Variants in ANKRD55 observed in about 807,000 individuals in gnomAD.
ANKRD55 encodes the protein ankyrin repeat domain 55, also known as ankyrin repeat domain-containing protein 55.
ANKRD55 carries 41 observed loss-of-function variants against 60.6 expected under a neutral mutation model. The ratio of observed to expected loss-of-function variants is 0.68; its 90% confidence interval spans 0.53 to 0.88. The LOEUF (loss-of-function observed/expected upper bound fraction) is 0.88, where lower values mean the gene tolerates loss of function less well. Ranked by LOEUF, ANKRD55 falls within the 40% of genes least tolerant of loss-of-function variation. ANKRD55 has a pLI of 0.00. For missense variants in ANKRD55, 732 were observed against 767.6 expected, an observed-to-expected ratio of 0.95 and a Z score of 0.55; for synonymous variants, 264 against 290.3, an observed-to-expected ratio of 0.91 and a Z score of 0.92.
chr5:56,192,560 T>C, intron 2 of ANKRD55: 1 of 407,756 alleles, frequency 2.5e-6, no homozygotes, highest in Non-Finnish European at 4.6e-6. Context: ...GGCCTCTAAA[T>C]CCTGGCTGAA....
At chr5:56,166,874 A>T (rs1455900897) in intron 5 of ANKRD55, among the ~76,000 whole-genome samples, 1 of 152,256 alleles carries the variant, frequency 6.6e-6, no homozygotes, top group African/African-American at 2.4e-5. Context: ...GGTGCTAATG[A>T]ATCATGAGCC....
Position 56,127,003 on chromosome 5 carries a change from G to T in ANKRD55, c.716C>A (p.Ala239Glu), listed in dbSNP as rs199752327. The T allele has an allele frequency of 2.2e-5, 36 of 1,613,708 alleles. No individual in the cohort carries two copies. Among genetic ancestry groups the T allele is most frequent in the Middle Eastern group, 1.6e-4 (1 of 6,080 alleles). The change falls in exon 8 of 12, where the codon GCG (alanine) becomes GAG (glutamate). Residue 239 changes from alanine (A) to glutamate (E), a missense_variant. Ala to Glu is a moderately radical substitution (Grantham distance 107, BLOSUM62 -1). Coordinates refer to ENST00000341048, the MANE Select transcript of ANKRD55 (RefSeq NM_024669.3). The stretch of plus-strand genomic sequence containing the variant: ...AATAATATCGCTGAAGCCCGCTGCC[G>T]CTGCGATATGTACACATGTCTTCCC... ...ESGKTCVHIA[A>E]AAGFSDIIHE... is the part of the protein sequence containing the mutation.
chr5:56,227,592 C>T (rs1760152008), intron 2 of ANKRD55, among the ~76,000 whole-genome samples: 1 of 150,164 alleles, frequency 6.7e-6, no homozygotes. Context: ...ATAAATGTTT[C>T]ATTAATTTGA....
intron 8 of ANKRD55, among the ~76,000 whole-genome samples, chr5:56,125,092 T>G (rs909062320): frequency 6.6e-6 from 1 of 152,182 alleles, no homozygotes. Context: ...TGGGAACTAT[T>G]CTGTTCAAAG....
At chr5:56,144,564 T>C (rs1461184944) in intron 6 of ANKRD55, among the ~76,000 whole-genome samples, 1 of 132,428 alleles carries the variant, frequency 7.6e-6, no homozygotes, top group Non-Finnish European at 1.6e-5. Flanking sequence ...GGGCTGATCC[T>C]GGGAGGGTGG....
intron 7 of ANKRD55, among the ~76,000 whole-genome samples, chr5:56,135,278 C>CCCTG (rs1169110153): frequency 0.013 from 1,014 of 76,748 alleles, 34 homozygotes; most frequent in East Asian, 0.031. Context: ...CTCCCTCCCT[C>CCCTG]CCTGCCTGCC....
intron 1 of ANKRD55, 79 bp downstream of exon 1, chr5:56,233,162 A>T: frequency 2.0e-6 from 1 of 492,850 alleles, no homozygotes; most frequent in South Asian, 3.2e-5. Context: ...ACATGGGCAT[A>T]ATACACCCTC....
At chr5:56,127,634 G>A in intron 7 of ANKRD55, 1 of 905,598 alleles carries the variant, frequency 1.1e-6, no homozygotes, top group African/African-American at 1.8e-5. Flanking sequence ...GTCCCAGGGA[G>A]CCTGGGAAGC....
intron 7 of ANKRD55, among the ~76,000 whole-genome samples, chr5:56,135,356 T>TTTCC (rs1757562081): frequency 1.9e-5 from 1 of 53,700 alleles, no homozygotes; most frequent in Non-Finnish European, 3.5e-5. Context: ...TCTTTCTTTC[T>TTTCC]TTCTTTCTTT....
intron 2 of ANKRD55, among the ~76,000 whole-genome samples, chr5:56,224,539 G>T (rs138495225): frequency 0.039 from 5,949 of 152,172 alleles, 149 homozygotes; most frequent in African/African-American, 0.073. Flanking sequence ...AAAAATCAGT[G>T]AATCCAGGAG....
intron 4 of ANKRD55, among the ~76,000 whole-genome samples, chr5:56,174,615 T>G (rs1758697390): frequency 1.3e-5 from 2 of 152,034 alleles, no homozygotes; most frequent in African/African-American, 4.8e-5. Context: ...GGGCAGATCA[T>G]GAGGTCAAGA....
Position 56,114,746 on chromosome 5 carries a change from C to A in ANKRD55, c.965+1869G>T, listed in dbSNP as rs2111685973. Among the ~76,000 whole-genome samples, 6 of 152,282 alleles carry A rather than the reference C, an allele frequency of 3.9e-5. 1 individual carries two copies. Among genetic ancestry groups the A allele is most frequent in the Admixed American group, 3.9e-4 (6 of 15,290 alleles). On this transcript the variant is annotated intron_variant, in intron 9 of 11. Coordinates refer to ENST00000341048, the MANE Select transcript of ANKRD55 (RefSeq NM_024669.3). ...GGTGAGAATCCACATTGCAATTAAC[C>A]TTTAAGAAACTGCTGCTTGTTAAGT...
At chr5:56,110,097 T>G (rs556179678) in intron 10 of ANKRD55, among the ~76,000 whole-genome samples, 6 of 150,720 alleles carry the variant, frequency 4.0e-5, no homozygotes, top group African/African-American at 1.2e-4. Context: ...TCTATCTATC[T>G]GTCTATATAA....
chr5:56,111,954 CT>C (rs893314648), intron 9 of ANKRD55, among the ~76,000 whole-genome samples, 172 bp from the exon 10 acceptor site: 4 of 152,298 alleles, frequency 2.6e-5, no homozygotes, highest in Non-Finnish European at 5.9e-5. Context: ...CACAGTACCC[CT>C]GGCAATCCCG....
At chr5:56,116,189 C>T (rs757111714) in intron 9 of ANKRD55, among the ~76,000 whole-genome samples, 14 of 152,056 alleles carry the variant, frequency 9.2e-5, no homozygotes, top group Admixed American at 1.3e-4. Context: ...TAAATATTGA[C>T]GGGTTTGACT....
At chr5:56,112,511 A>AAAACAAAAAAAAAAAC (rs1554036585) in intron 9 of ANKRD55, among the ~76,000 whole-genome samples, 1 of 81,528 alleles carries the variant, frequency 1.2e-5, no homozygotes, top group African/African-American at 5.4e-5. Flanking sequence ...TAGCAAAAAA[A>AAAACAAAAAAAAAAAC]AAAAAAAAAA....
chr5:56,109,510 A>G (rs796626023), intron 10 of ANKRD55, among the ~76,000 whole-genome samples: 1 of 151,930 alleles, frequency 6.6e-6, no homozygotes, highest in African/African-American at 2.4e-5. Flanking sequence ...GCTTTTGAAC[A>G]ATGGTTCAAA....
chr5:56,139,656 C>T (rs115427976), intron 7 of ANKRD55, among the ~76,000 whole-genome samples: 220 of 152,262 alleles, frequency 1.4e-3, no homozygotes, highest in Non-Finnish European at 1.6e-3. Context: ...GCCAAGATTA[C>T]GTGAGCTTGA....
chr5:56,191,021 A>T (rs1410965220), intron 2 of ANKRD55, among the ~76,000 whole-genome samples: 1 of 152,176 alleles, frequency 6.6e-6, no homozygotes, highest in East Asian at 1.9e-4. Context: ...GTTGACCATA[A>T]ATGTATGGGA....
Sources: allele counts gnomAD v4.1 joint callset (sites outside exome capture counted in the v4.1 genomes callset), GRCh38; gene constraint gnomAD v4.1.1; transcripts MANE v1.5; gene names NCBI Gene and HGNC (gene_info 2026-07-23, HGNC 2026-07-21).